Variants in GCKR observed in about 807,000 individuals in gnomAD.
The protein encoded by GCKR is glucokinase regulatory protein.
Under a neutral mutation model 82.9 loss-of-function variants are expected in GCKR, and 73 were observed. The observed-to-expected ratio is 0.88, with a 90% CI of 0.73 to 1.07. GCKR has a LOEUF of 1.07. Among genes scored for constraint, GCKR ranks in the 50% least tolerant of loss-of-function variants. The pLI is 0.00. For synonymous variants in GCKR, 294 were observed against 291.8 expected, an observed-to-expected ratio of 1.01 and a Z score of -0.08; for missense variants, 784 against 782.1, an observed-to-expected ratio of 1.00 and a Z score of -0.03.
chr2:27,498,238 C>A lies in GCKR; in HGVS notation c.286-17C>A, dbSNP rs1669466704. The A allele has an allele frequency of 3.1e-6, 5 of 1,598,434 alleles. No individual in the cohort carries two copies. Among genetic ancestry groups the A allele is most frequent in the African/African-American group, 1.3e-5 (1 of 74,636 alleles). ...CTGAGCCAGGCCCTGGTAATATATG[C>A]CTCTTTCCTTCTTCAGGAGCCAGAT... On this transcript the variant is annotated splice_polypyrimidine_tract_variant and intron_variant, in intron 3 of 18. Coordinates refer to ENST00000264717, the MANE Select transcript of GCKR (RefSeq NM_001486.4).
intron 17 of GCKR, among the ~76,000 whole-genome samples, chr2:27,519,753 G>A (rs1476756902): frequency 3.9e-5 from 6 of 152,164 alleles, no homozygotes; most frequent in Non-Finnish European, 7.3e-5. Flanking sequence ...TCTTGCTTGG[G>A]ACACATGCAT....
intron 7 of GCKR, among the ~76,000 whole-genome samples, chr2:27,500,580 C>T (rs1669550199): frequency 6.6e-6 from 1 of 152,192 alleles, no homozygotes; most frequent in Admixed American, 6.5e-5. Context: ...TGGCCTTTTA[C>T]AGAAAAATAT....
chr2:27,497,583 C>T lies in GCKR; in HGVS notation c.238C>T (p.Leu80=), dbSNP rs1175734551. The T allele has an allele frequency of 6.2e-7, 1 of 1,612,966 alleles. No homozygotes were observed. Among genetic ancestry groups the T allele is most frequent in the South Asian group, 1.1e-5 (1 of 91,056 alleles). Residue 80 remains leucine (L), a synonymous_variant, in exon 3 of 19, where the codon CTG becomes TTG. Coordinates refer to ENST00000264717, the MANE Select transcript of GCKR (RefSeq NM_001486.4). The part of the protein sequence containing the change: ...TYQRLYSESI[L]TTMVQVAGKV... ...ACAGAGACTCTACAGCGAATCCATT[C>T]TGACCACCATGGTACAGGTGGCTGG...
chr2:27,501,183 G>A lies in GCKR; in HGVS notation c.598G>A (p.Val200Ile), dbSNP rs370444840. ...QMDCCMNNTA[V>I]FLPVLVGFNP... ...GGACTGCTGCATGAACAACACAGCT[G>A]TCTTCTTGCCAGTCCTGGTTGGCTT... is the stretch of plus-strand genomic sequence containing the variant. Residue 200 changes from valine to isoleucine, a missense_variant, in exon 8 of 19, where the codon GTC (valine) becomes ATC (isoleucine). Val to Ile is a conservative substitution (Grantham distance 29, BLOSUM62 3). Coordinates refer to ENST00000264717, the MANE Select transcript of GCKR (RefSeq NM_001486.4). The A allele has an allele frequency of 2.1e-5, 34 of 1,614,092 alleles. No homozygotes were observed. Among genetic ancestry groups the A allele is most frequent in the Middle Eastern group, 3.3e-4 (2 of 6,060 alleles).
chr2:27,517,622 G>A (rs1670042499), intron 16 of GCKR, among the ~76,000 whole-genome samples: 1 of 152,118 alleles, frequency 6.6e-6, no homozygotes, highest in Non-Finnish European at 1.5e-5. Context: ...TTTGGGTGAG[G>A]ACACAAAGCC....
intron 7 of GCKR, among the ~76,000 whole-genome samples, chr2:27,500,252 G>A (rs535728989): frequency 6.6e-6 from 1 of 152,156 alleles, no homozygotes; most frequent in South Asian, 2.1e-4. Flanking sequence ...CACCATGCCT[G>A]GCTGATTTTG....
intron 16 of GCKR, among the ~76,000 whole-genome samples, chr2:27,517,219 A>T (rs1162108641): frequency 6.6e-6 from 1 of 151,890 alleles, no homozygotes; most frequent in East Asian, 1.9e-4. Flanking sequence ...TCACCATGTT[A>T]GCCAGGATGG....
intron 10 of GCKR, among the ~76,000 whole-genome samples, chr2:27,506,211 C>T (rs922209200): frequency 1.3e-5 from 2 of 152,158 alleles, no homozygotes; most frequent in African/African-American, 4.8e-5. Context: ...CTAGGCTGCT[C>T]ATGCCCCTTC....
chr2:27,506,992 C>A (rs990734642), intron 12 of GCKR, 107 bp downstream of exon 12: 4 of 820,472 alleles, frequency 4.9e-6, no homozygotes, highest in Non-Finnish European at 8.7e-6. Context: ...CCTCAGTGTC[C>A]CACCTTCCCT....
Position 27,499,211 on chromosome 2 carries a change from CT to C in GCKR, c.495+4del. ...ACGGGATTGAGGAACTGAAGAAGGT[CT>C]GTGCTTTTCACTGACATTGACCAGA... On this transcript the variant is annotated splice_donor_region_variant and intron_variant, in intron 6 of 18. Coordinates refer to ENST00000264717, the MANE Select transcript of GCKR (RefSeq NM_001486.4). The C allele has an allele frequency of 6.2e-7, 1 of 1,601,364 alleles. No homozygotes were observed. Among genetic ancestry groups the C allele is most frequent in the Non-Finnish European group, 8.6e-7 (1 of 1,168,682 alleles).
Position 27,522,522 on chromosome 2 carries a change from C to G in GCKR, c.1635C>G (p.Pro545=). 6.2e-7 allele frequency: 1 copy of G among 1,614,000 alleles called. No homozygotes were observed. Among genetic ancestry groups the G allele is most frequent in the Non-Finnish European group, 8.5e-7 (1 of 1,179,838 alleles). Residue 545 remains proline (P), a synonymous_variant, in exon 18 of 19, where the codon CCC becomes CCG. Transcript: ENST00000264717. The stretch of plus-strand genomic sequence containing the variant: ...GCCTCCTCCGAGCGATCCACTTTCC[C>G]CAGCCACTGTCAGATGATATTCGGG... The part of the protein sequence containing the change: ...IESLLRAIHF[P]QPLSDDIRAA...
In GCKR at chr2:27,508,175, T is replaced by C. The variant is rs749271272; in HGVS notation, c.1346T>C (p.Leu449Pro). The C allele has an allele frequency of 6.2e-7, 1 of 1,611,270 alleles. No homozygotes were observed. Among genetic ancestry groups the C allele is most frequent in the Non-Finnish European group, 8.5e-7 (1 of 1,177,616 alleles). ...CTCTTTCTCTCTCTCCAGATCCCTC[T>C]GAAGAAGCTCTTTCCCTCCATCATC... ...STVGQTLLIP[L>P]KKLFPSIISI... The change falls in exon 16 of 19, where the codon CTG becomes CCG. Residue 449 changes from leucine (L) to proline (P), a missense_variant. Leu to Pro is a moderately conservative substitution (Grantham distance 98). Transcript: ENST00000264717.
rs753116935 is a variant in GCKR, at chr2:27,523,308, T to C, written c.1747T>C (p.Ser583Pro). ...IALLSLLFRC[S>P]ITEAQAHLAA... is the part of the protein sequence containing the mutation. ...CTTGCTGAGCCTCCTATTCCGGTGC[T>C]CGATCACTGAGGCTCAGGCACACCT... The change falls in exon 19 of 19, where the codon TCG (serine) becomes CCG (proline). Residue 583 changes from serine to proline, a missense_variant. Transcript: ENST00000264717. The C allele has an allele frequency of 3.1e-6, 5 of 1,613,076 alleles. No individual in the cohort carries two copies. The highest frequency in any genetic ancestry group is 4.2e-6 in the Non-Finnish European group (5 of 1,179,914).
At chr2:27,499,528 T>A in intron 7 of GCKR, 78 bp downstream of exon 7, 4 of 1,031,370 alleles carry the variant, frequency 3.9e-6, no homozygotes, top group Non-Finnish European at 6.2e-6. Context: ...GGAAGATAGA[T>A]CAATGAGATC....
intron 13 of GCKR, 134 bp from the exon 14 acceptor site, chr2:27,507,547 C>T: frequency 1.4e-6 from 1 of 711,982 alleles, no homozygotes; most frequent in Non-Finnish European, 2.6e-6. Context: ...GGGCAAAACA[C>T]TGTACCTTTT....
In GCKR at chr2:27,522,569, T is replaced by C; in HGVS notation, c.1682T>C (p.Val561Ala). Residue 561 changes from valine to alanine, a missense_variant, in exon 18 of 19, where the codon GTC (valine) becomes GCC (alanine). Transcript: ENST00000264717. The stretch of plus-strand genomic sequence containing the variant: ...CGGGCTGCTCCCATCTCCTGCCATG[T>C]CCAGGTTGCACATGAGAAGGAACAG... ...DIRAAPISCH[V>A]QVAHEKEQVI... 3.1e-6 allele frequency: 5 copies of C among 1,614,108 alleles called. No homozygotes were observed. Among genetic ancestry groups the C allele is most frequent in the Non-Finnish European group, 4.2e-6 (5 of 1,179,948 alleles).
intron 9 of GCKR, 63 bp from the exon 10 acceptor site, chr2:27,505,655 A>G: frequency 1.1e-6 from 1 of 872,882 alleles, no homozygotes; most frequent in Non-Finnish European, 2.0e-6. Flanking sequence ...GGGGGTTACT[A>G]ACAAGTGGTC....
At position 27,515,763 on chromosome 2, in the gene GCKR, ATAT is replaced by A. The variant is rs1476180494; in HGVS notation, c.1423-3023_1423-3021del. ...ATTGTTCGTATATATATATATATATATATTTTTTTTTTTTTTTTGAGACAGAAT... is the reference window on the plus strand; with the variant it reads ...ATTGTTCGTATATATATATATATATATTTTTTTTTTTTTTTGAGACAGAAT... On this transcript the variant is annotated intron_variant, in intron 16 of 18. Transcript: ENST00000264717. 9.4e-3 allele frequency among the ~76,000 whole-genome samples: 1,191 copies of A among 127,016 alleles called. 5 individuals carry two copies. The highest frequency in any genetic ancestry group is 0.032 in the African/African-American group (1,045 of 33,102). The allele number at this position is 127,016 out of a possible 152,430, so 83.3% of individuals were successfully genotyped here.
At position 27,522,536 on chromosome 2, in the gene GCKR, A is replaced by G. The variant is rs376080846; in HGVS notation, c.1649A>G (p.Asp550Gly). The change falls in exon 18 of 19, where the codon GAT becomes GGT. Residue 550 changes from aspartate (D) to glycine (G), a missense_variant. Transcript: ENST00000264717. ...ATCCACTTTCCCCAGCCACTGTCAGATGATATTCGGGCTGCTCCCATCTCC... is the reference window on the plus strand; with the variant it reads ...ATCCACTTTCCCCAGCCACTGTCAGGTGATATTCGGGCTGCTCCCATCTCC... ...RAIHFPQPLS[D>G]DIRAAPISCH... is the part of the protein sequence containing the mutation. 50 of 1,613,950 alleles carry G rather than the reference A, an allele frequency of 3.1e-5. No homozygotes were observed. Among genetic ancestry groups the G allele is most frequent in the Non-Finnish European group, 3.7e-5 (44 of 1,179,954 alleles).
Sources: allele counts gnomAD v4.1 joint callset (sites outside exome capture counted in the v4.1 genomes callset), GRCh38; gene constraint gnomAD v4.1.1; transcripts MANE v1.5; gene names NCBI Gene and HGNC (gene_info 2026-07-23, HGNC 2026-07-21).